Variants in IMMP2L observed in about 807,000 individuals in gnomAD.
The protein encoded by IMMP2L is mitochondrial inner membrane protease subunit 2.
Under a neutral mutation model 19.3 loss-of-function variants are expected in IMMP2L, and 18 were observed. The observed-to-expected ratio is 0.93, with a 90% CI of 0.64 to 1.38. The LOEUF (loss-of-function observed/expected upper bound fraction) is 1.38, where lower values mean the gene tolerates loss of function less well. Ranked by LOEUF, IMMP2L falls within the 40% of genes most tolerant of loss-of-function variation. The pLI is 0.00. For missense variants in IMMP2L, 233 were observed against 218.2 expected (o/e 1.07, Z -0.43); for synonymous variants, 76 against 73.0 (o/e 1.04, Z -0.21).
At chr7:111,236,202 T>C (rs1814293060) in intron 3 of IMMP2L, among the ~76,000 whole-genome samples, 3 of 152,132 alleles carry the variant, frequency 2.0e-5, no homozygotes, top group Admixed American at 2.0e-4. Flanking sequence ...TTCCTGTGTC[T>C]TTGCATTAAA....
At chr7:111,323,762 C>T (rs987899242) in intron 3 of IMMP2L, among the ~76,000 whole-genome samples, 1 of 152,032 alleles carries the variant, frequency 6.6e-6, no homozygotes, top group Non-Finnish European at 1.5e-5. Flanking sequence ...CAATGATAGA[C>T]TGGATAAAGA....
intron 5 of IMMP2L, among the ~76,000 whole-genome samples, chr7:110,743,803 T>C (rs1408455765): frequency 6.6e-6 from 1 of 152,000 alleles, no homozygotes; most frequent in African/African-American, 2.4e-5. Flanking sequence ...ACCAGAGCCC[T>C]GGGTTTCCAG....
At chr7:111,192,327 A>G (rs999438480) in intron 3 of IMMP2L, among the ~76,000 whole-genome samples, 11 of 152,150 alleles carry the variant, frequency 7.2e-5, no homozygotes, top group African/African-American at 2.7e-4. Flanking sequence ...AGGAACTCCA[A>G]TAAAGTCATT....
At chr7:111,471,768 T>C (rs958602796) in intron 3 of IMMP2L, among the ~76,000 whole-genome samples, 2 of 152,108 alleles carry the variant, frequency 1.3e-5, no homozygotes, top group Admixed American at 6.6e-5. Flanking sequence ...CTAGAATAAA[T>C]ACTAAACTGG....
intron 3 of IMMP2L, chr7:111,411,411 T>C: frequency 6.1e-6 from 3 of 493,328 alleles, no homozygotes; most frequent in South Asian, 4.4e-5. Flanking sequence ...AAAGTGACCA[T>C]CAAGATGGCA....
intron 4 of IMMP2L, among the ~76,000 whole-genome samples, chr7:110,887,003 A>G (rs1263758214): frequency 6.6e-6 from 1 of 152,146 alleles, no homozygotes; most frequent in Non-Finnish European, 1.5e-5. Flanking sequence ...GAAATCCGGT[A>G]AGCCCTAACA....
rs1809168654 is a variant in IMMP2L, at chr7:110,877,205, A to G, written c.408+9388T>C. Among the ~76,000 whole-genome samples, 1 of 152,254 alleles carries G rather than the reference A, an allele frequency of 6.6e-6. No individual in the cohort carries two copies. Among genetic ancestry groups the G allele is most frequent in the Non-Finnish European group, 1.5e-5 (1 of 68,016 alleles). On this transcript the variant is annotated intron_variant, in intron 5 of 5. Transcript: ENST00000405709. This position sits in a 1 kb window ranked among gnomAD's most constrained non-coding sequence, Gnocchi z 4.0. ...CATATTTCACTGAACCCTGTTCTAGATGAACCTTTGCTGTGCAGAAATTGG... is the reference window on the plus strand; with the variant it reads ...CATATTTCACTGAACCCTGTTCTAGGTGAACCTTTGCTGTGCAGAAATTGG...
chr7:111,293,359 A>G (rs1416265315), intron 3 of IMMP2L, among the ~76,000 whole-genome samples: 2 of 151,976 alleles, frequency 1.3e-5, no homozygotes, highest in Non-Finnish European at 2.9e-5. Context: ...AAGAAGCTAC[A>G]TATTATTTCA....
intron 5 of IMMP2L, among the ~76,000 whole-genome samples, chr7:110,732,033 G>T (rs1043735580): frequency 1.3e-5 from 2 of 152,194 alleles, no homozygotes; most frequent in Non-Finnish European, 2.9e-5. Flanking sequence ...TTTTTCAGAA[G>T]AGTTCTCCAG....
chr7:110,980,268 C>A (rs1159892607), intron 3 of IMMP2L, among the ~76,000 whole-genome samples: 1 of 131,382 alleles, frequency 7.6e-6, no homozygotes, highest in Admixed American at 9.2e-5. Context: ...CGCTCTGTCG[C>A]CCAGGCTGGA....
At chr7:111,156,592 T>C (rs1197101781) in intron 3 of IMMP2L, among the ~76,000 whole-genome samples, 1 of 152,120 alleles carries the variant, frequency 6.6e-6, no homozygotes, top group Non-Finnish European at 1.5e-5. Context: ...ACACATGATA[T>C]ATCTTTCCAT....
chr7:111,422,909 T>G (rs1835716866), intron 3 of IMMP2L, among the ~76,000 whole-genome samples: 1 of 151,896 alleles, frequency 6.6e-6, no homozygotes, highest in South Asian at 2.1e-4. Flanking sequence ...CCTAGTTTAT[T>G]GAAAGTTTTT....
At chr7:111,501,961 CA>C (rs1844313942) in intron 2 of IMMP2L, among the ~76,000 whole-genome samples, 1 of 152,128 alleles carries the variant, frequency 6.6e-6, no homozygotes, top group Non-Finnish European at 1.5e-5. Flanking sequence ...GGACCAAATT[CA>C]CACATAACAA....
At chr7:110,991,559 T>C (rs926661674) in intron 3 of IMMP2L, among the ~76,000 whole-genome samples, 4 of 152,114 alleles carry the variant, frequency 2.6e-5, no homozygotes, top group Non-Finnish European at 4.4e-5. Flanking sequence ...CCTAGTTCCA[T>C]AGGGCCATGC....
intron 3 of IMMP2L, among the ~76,000 whole-genome samples, chr7:111,441,051 A>G (rs1000800788): frequency 1.3e-5 from 2 of 151,914 alleles, no homozygotes; most frequent in Non-Finnish European, 2.9e-5. Flanking sequence ...CCCTTGCTCT[A>G]CATTAAGCTT....
chr7:111,012,036 CCT>C (rs1028897690), intron 3 of IMMP2L, among the ~76,000 whole-genome samples: 16 of 152,080 alleles, frequency 1.1e-4, no homozygotes, highest in African/African-American at 3.4e-4. Flanking sequence ...TTTTCATCCC[CCT>C]GTCTATATTG....
chr7:111,168,388 A>T (rs1009564220), intron 3 of IMMP2L, among the ~76,000 whole-genome samples: 8 of 151,856 alleles, frequency 5.3e-5, no homozygotes, highest in Non-Finnish European at 1.2e-4. Context: ...TTGCTAAGCA[A>T]ACCATCTAGC....
intron 3 of IMMP2L, among the ~76,000 whole-genome samples, chr7:111,275,642 G>A (rs1014538705): frequency 3.9e-5 from 6 of 152,008 alleles, no homozygotes; most frequent in South Asian, 4.1e-4. Flanking sequence ...GCACTGAATC[G>A]GTAGATTTAA....
At chr7:111,103,700 C>A (rs552854435) in intron 3 of IMMP2L, among the ~76,000 whole-genome samples, 1 of 151,794 alleles carries the variant, frequency 6.6e-6, no homozygotes, top group African/African-American at 2.4e-5. Context: ...TAGTGATTAA[C>A]ATTTAGTAAC....
Sources: gnomAD v4.1 joint callset for allele counts (sites outside exome capture counted in the v4.1 genomes callset) on GRCh38, gnomAD v4.1.1 for gene constraint, Gnocchi (gnomAD v3.1) non-coding constraint, MANE v1.5 for transcripts, NCBI Gene and HGNC (gene_info 2026-07-23, HGNC 2026-07-21) for gene names.